The following OTC variants were observed in gnomAD, a reference collection of about 807,000 sequenced individuals.
The protein encoded by OTC is ornithine transcarbamylase.
OTC carries 3 observed loss-of-function variants against 30.3 expected under a neutral mutation model. That is an observed-to-expected ratio of 0.10 (90% CI 0.05 to 0.26). The LOEUF (loss-of-function observed/expected upper bound fraction) is 0.26. OTC is among the 10% of genes least tolerant of loss of function. OTC has a pLI of 1.00. For synonymous variants in OTC, 111 were observed against 99.7 expected (o/e 1.11, Z -0.67); for missense variants, 194 against 260.3 (o/e 0.75, Z 1.75).
chrX:38,356,050 C>CAAAAAAAAAAAAAAAAAA (rs138806207), intron 1 of OTC, among the ~76,000 whole-genome samples: 1 of 52,694 alleles, frequency 1.9e-5, no homozygotes, highest in African/African-American at 7.7e-5. Context: ...GACTCTGTCT[C>CAAAAAAAAAAAAAAAAAA]AAAAAAAAAA....
intron 4 of OTC, among the ~76,000 whole-genome samples, chrX:38,391,250 G>T (rs967101293): frequency 2.7e-5 from 3 of 110,707 alleles, no homozygotes; most frequent in African/African-American, 9.9e-5. Context: ...GTTGTGGGGT[G>T]GGGGAAGGGG....
chrX:38,345,918 C>T, the OTC span, among the ~76,000 whole-genome samples: 1 of 111,419 alleles, frequency 9.0e-6, no homozygotes, highest in Non-Finnish European at 1.9e-5. Flanking sequence ...GGGCCATTAT[C>T]GTCTTTGTTT....
chrX:38,347,400 G>A, the OTC span, among the ~76,000 whole-genome samples: 3 of 111,555 alleles, frequency 2.7e-5, no homozygotes, highest in Non-Finnish European at 5.6e-5. Context: ...TCACAGGGTG[G>A]CTACTGGTCT....
chrX:38,410,930 T>C (rs1416394519), intron 8 of OTC, among the ~76,000 whole-genome samples: 1 of 111,954 alleles, frequency 8.9e-6, no homozygotes, highest in Non-Finnish European at 1.9e-5. Context: ...GGTAAGAAAG[T>C]ATGAAGGAAT....
chrX:38,341,119 T>C, the OTC span, among the ~76,000 whole-genome samples: 11 of 111,983 alleles, frequency 9.8e-5, no homozygotes, highest in Admixed American at 1.9e-4. Flanking sequence ...TTTCTGTAAA[T>C]GAAAAACACA....
chrX:38,330,040 T>C, the OTC span, among the ~76,000 whole-genome samples: 1 of 112,165 alleles, frequency 8.9e-6, no homozygotes, highest in Admixed American at 9.4e-5. Context: ...ATTCAGGACC[T>C]TGAGATGGAG....
chrX:38,388,397 G>T (rs2068414228), intron 4 of OTC, among the ~76,000 whole-genome samples: 1 of 110,179 alleles, frequency 9.1e-6, no homozygotes, highest in Non-Finnish European at 1.9e-5. Flanking sequence ...TTCAGATTTT[G>T]TCATTTACCA....
chrX:38,365,568 G>A (rs188198745), intron 1 of OTC, among the ~76,000 whole-genome samples: 2 of 112,289 alleles, frequency 1.8e-5, no homozygotes, highest in East Asian at 2.8e-4. Context: ...AGAGGGGTTG[G>A]AAATTAGAAG....
In OTC at chrX:38,409,930, T is replaced by C. The variant is rs144339942; in HGVS notation, c.867+905T>C. Among the ~76,000 whole-genome samples the C allele has an allele frequency of 0.02, 2,283 of 111,597 alleles. 58 individuals carry two copies. The highest frequency in any genetic ancestry group is 0.068 in the African/African-American group (2,091 of 30,821). ...AGACTATTCCTAGAGGTAGCCTCTG[T>C]TTAATAATTTGATGTGTCTCTTTGC... is the stretch of plus-strand genomic sequence containing the variant. On this transcript the variant is annotated intron_variant, in intron 8 of 9. Coordinates refer to ENST00000039007, the MANE Select transcript of OTC (RefSeq NM_000531.6).
chrX:38,396,609 CTAA>C (rs904271373), intron 4 of OTC, among the ~76,000 whole-genome samples: 1 of 110,545 alleles, frequency 9.0e-6, no homozygotes, highest in African/African-American at 3.3e-5. Context: ...CTCGTCTTTA[CTAA>C]TAACACAAAA....
intron 4 of OTC, among the ~76,000 whole-genome samples, chrX:38,390,133 G>A (rs41449246): frequency 0.022 from 2,411 of 111,882 alleles, 22 homozygotes; most frequent in Non-Finnish European, 0.034. Context: ...AAACAACCTG[G>A]CCATTATAGA....
intron 1 of OTC, among the ~76,000 whole-genome samples, chrX:38,359,637 T>C (rs1180674865): frequency 9.0e-6 from 1 of 110,853 alleles, no homozygotes; most frequent in Non-Finnish European, 1.9e-5. Context: ...GTCAGGCTGG[T>C]CTCGAACTCC....
At chrX:38,371,073 C>T (rs1326065871) in intron 3 of OTC, among the ~76,000 whole-genome samples, 1 of 111,763 alleles carries the variant, frequency 8.9e-6, no homozygotes, top group Non-Finnish European at 1.9e-5. Flanking sequence ...CCCCATCCTT[C>T]AGAAGTTGAC....
At chrX:38,403,836 T>C in intron 6 of OTC, 96 bp downstream of exon 6, 2 of 966,471 alleles carry the variant, frequency 2.1e-6, no homozygotes, top group Non-Finnish European at 3.0e-6. Context: ...CATTTAAGTA[T>C]AGCACAGGTG....
In OTC at chrX:38,411,973, G is replaced by A. The variant is rs1230415944; in HGVS notation, c.979G>A (p.Ala327Thr). The A allele has an allele frequency of 8.3e-7, 1 of 1,210,151 alleles. No homozygotes were observed. The highest frequency in any genetic ancestry group is 1.8e-5 in the South Asian group (1 of 56,962). The stretch of plus-strand genomic sequence containing the variant: ...TCCTCGATCACTAGTGTTCCCAGAG[G>A]CAGAAAACAGAAAGTGGACAATCAT... ...YSPRSLVFPE[A>T]ENRKWTIMAV... The change falls in exon 9 of 10, where the codon GCA becomes ACA. Residue 327 changes from alanine (A) to threonine (T), a missense_variant. Transcript: ENST00000039007.
chrX:38,374,284 G>A (rs754068759), intron 3 of OTC, among the ~76,000 whole-genome samples: 5 of 110,878 alleles, frequency 4.5e-5, no homozygotes, highest in Non-Finnish European at 9.4e-5. Context: ...CTGGATAAAG[G>A]GTGGAGAAAG....
chrX:38,412,046 A>G lies in OTC; in HGVS notation c.1005+47A>G, dbSNP rs202028899. 279 of 1,170,158 alleles carry G rather than the reference A, an allele frequency of 2.4e-4. 1 individual carries two copies. The highest frequency in any genetic ancestry group is 3.5e-4 in the Admixed American group (16 of 45,725). On this transcript the variant is annotated intron_variant, in intron 9 of 9. Coordinates refer to ENST00000039007, the MANE Select transcript of OTC (RefSeq NM_000531.6). ...GAGGATAAGTTCTTTGTGTGGTTCC[A>G]ACTTGGTCATTCATGCCTTTGGGGA...
chrX:38,334,694 T>G, the OTC span, among the ~76,000 whole-genome samples: 33 of 112,498 alleles, frequency 2.9e-4, no homozygotes, highest in African/African-American at 1.0e-3. Context: ...AAGGGTGAGA[T>G]AAACATAATT....
chrX:38,396,501 C>T (rs1348362560), intron 4 of OTC, among the ~76,000 whole-genome samples: 1 of 111,284 alleles, frequency 9.0e-6, no homozygotes, highest in Non-Finnish European at 1.9e-5. Flanking sequence ...TAGCCAAGTG[C>T]GGTGGCTCAC....
Sources: allele counts gnomAD v4.1 joint callset (sites outside exome capture counted in the v4.1 genomes callset), GRCh38; gene constraint gnomAD v4.1.1; transcripts MANE v1.5; gene names NCBI Gene and HGNC (gene_info 2026-07-23, HGNC 2026-07-21).